FGF12: variants seen among roughly 807,000 people sequenced by gnomAD.
FGF12 encodes the protein fibroblast growth factor 12, also known as fibroblast growth factor 12B.
FGF12 carries 14 observed loss-of-function variants against 23.6 expected under a neutral mutation model. The ratio of observed to expected loss-of-function variants is 0.59; its 90% CI spans 0.39 to 0.93. The LOEUF (loss-of-function observed/expected upper bound fraction) is 0.93, where lower values mean the gene tolerates loss of function less well. Among genes scored for constraint, FGF12 ranks in the 40% least tolerant of loss-of-function variants. The pLI, the probability that FGF12 is intolerant of heterozygous loss-of-function variation, is 0.00. For synonymous variants in FGF12, 62 were observed against 77.3 expected, an observed-to-expected ratio of 0.80 and a Z score of 1.04; for missense variants, 175 against 217.8, an observed-to-expected ratio of 0.80 and a Z score of 1.24.
intron 2 of FGF12, among the ~76,000 whole-genome samples, chr3:192,376,199 A>G (rs1360205562): frequency 6.6e-6 from 1 of 151,986 alleles, no homozygotes; most frequent in Non-Finnish European, 1.5e-5. Flanking sequence ...TTTTCCATCT[A>G]TTAATCTCTC....
At chr3:192,683,853 A>G (rs1052495318) in intron 2 of FGF12, among the ~76,000 whole-genome samples, 1 of 152,226 alleles carries the variant, frequency 6.6e-6, no homozygotes, top group South Asian at 2.1e-4. Flanking sequence ...AGACTTAGGA[A>G]TATCTTTCTG....
At chr3:192,700,153 C>T (rs1718247339) in intron 2 of FGF12, among the ~76,000 whole-genome samples, 1 of 152,154 alleles carries the variant, frequency 6.6e-6, no homozygotes, top group East Asian at 1.9e-4. Context: ...GTTCTCTTAA[C>T]CTGCCATTAA....
intron 2 of FGF12, among the ~76,000 whole-genome samples, chr3:192,490,482 T>C (rs889528470): frequency 3.3e-5 from 5 of 152,094 alleles, no homozygotes; most frequent in African/African-American, 1.2e-4. Flanking sequence ...TGTGTATGTA[T>C]ACATGTGTAT....
At chr3:192,611,132 A>T (rs1294077762) in intron 2 of FGF12, among the ~76,000 whole-genome samples, 3 of 152,066 alleles carry the variant, frequency 2.0e-5, no homozygotes, top group African/African-American at 4.8e-5. Flanking sequence ...AATCAGCTAT[A>T]GAAGAAAGAA....
At position 192,336,108 on chromosome 3, in the gene FGF12, T is replaced by TACACACACACACACACAC. The variant is rs34991386; in HGVS notation, c.125-662_125-645dup. Among the ~76,000 whole-genome samples the TACACACACACACACACAC allele has an allele frequency of 1.2e-3, 168 of 144,042 alleles. No individual in the cohort carries two copies. Among genetic ancestry groups the TACACACACACACACACAC allele is most frequent in the Middle Eastern group, 0.011 (3 of 284 alleles). The allele number at this position is 144,042 out of a possible 152,430, so 94.5% of individuals were successfully genotyped here. The stretch of plus-strand genomic sequence containing the variant: ...ATATATTTTATATCCAGGTGGGAAA[T>TACACACACACACACACAC]ACACACACACACACACACACACACA... On this transcript the variant is annotated intron_variant, in intron 3 of 5. Coordinates refer to ENST00000445105, the MANE Select transcript of FGF12 (RefSeq NM_004113.6). This position sits in a 1 kb window ranked among gnomAD's most constrained non-coding sequence, Gnocchi z 4.3.
intron 2 of FGF12, among the ~76,000 whole-genome samples, chr3:192,556,803 T>C (rs1711799851): frequency 6.6e-6 from 1 of 152,172 alleles, no homozygotes; most frequent in Admixed American, 6.5e-5. Context: ...TATTATTTCC[T>C]ATAGGGTTGT....
intron 2 of FGF12, among the ~76,000 whole-genome samples, chr3:192,656,004 G>GCT (rs1364106640): frequency 0.012 from 1,697 of 139,956 alleles, 14 homozygotes; most frequent in Admixed American, 0.02. Flanking sequence ...AACGTTACAT[G>GCT]CCAGAAAAGA....
intron 4 of FGF12, among the ~76,000 whole-genome samples, chr3:192,210,939 G>A (rs903574233): frequency 2.6e-5 from 4 of 152,212 alleles, no homozygotes; most frequent in Non-Finnish European, 5.9e-5. Context: ...AGAGAAGTCA[G>A]AGATGTATTG....
chr3:192,427,037 C>T (rs1203603749), intron 2 of FGF12, among the ~76,000 whole-genome samples: 5 of 152,080 alleles, frequency 3.3e-5, no homozygotes, highest in Admixed American at 3.3e-4. Context: ...TGAATAAATG[C>T]TAGCTTTTTT....
At chr3:192,610,427 T>A (rs1223183297) in intron 2 of FGF12, among the ~76,000 whole-genome samples, 1 of 152,088 alleles carries the variant, frequency 6.6e-6, no homozygotes, top group Non-Finnish European at 1.5e-5. Flanking sequence ...TCCAGTCTTG[T>A]TATATTGGTC....
At chr3:192,654,995 T>C (rs1189716789) in intron 2 of FGF12, among the ~76,000 whole-genome samples, 5 of 152,170 alleles carry the variant, frequency 3.3e-5, no homozygotes, top group Non-Finnish European at 7.3e-5. Flanking sequence ...TGATAAAGAA[T>C]CCTTCCAATT....
chr3:192,322,522 A>T (rs577308574), intron 4 of FGF12, among the ~76,000 whole-genome samples: 1 of 148,436 alleles, frequency 6.7e-6, no homozygotes, highest in Non-Finnish European at 1.5e-5. Flanking sequence ...ACACACACAC[A>T]CCCCAGAATG....
chr3:192,387,888 A>G (rs1039826422), intron 2 of FGF12, among the ~76,000 whole-genome samples: 5 of 152,054 alleles, frequency 3.3e-5, no homozygotes, highest in Non-Finnish European at 7.4e-5. Flanking sequence ...CACTGTCTCC[A>G]AAAAATAAAA....
At chr3:192,607,844 A>G (rs966689727) in intron 2 of FGF12, among the ~76,000 whole-genome samples, 1 of 109,440 alleles carries the variant, frequency 9.1e-6, no homozygotes, top group African/African-American at 3.1e-5. Context: ...AACACTGAAA[A>G]TTAAAAAAAA....
chr3:192,177,876 T>C (rs979592773), intron 4 of FGF12, among the ~76,000 whole-genome samples: 2 of 152,224 alleles, frequency 1.3e-5, no homozygotes, highest in East Asian at 3.8e-4. Flanking sequence ...GGCCACTTTC[T>C]AACCCTTTAC....
At chr3:192,419,175 C>T (rs147733913) in intron 2 of FGF12, among the ~76,000 whole-genome samples, 13 of 152,176 alleles carry the variant, frequency 8.5e-5, no homozygotes, top group African/African-American at 3.1e-4. Flanking sequence ...GATGATGAAT[C>T]CACAAAATGA....
intron 4 of FGF12, among the ~76,000 whole-genome samples, chr3:192,190,070 G>A (rs1008020290): frequency 1.3e-5 from 2 of 152,180 alleles, no homozygotes; most frequent in Non-Finnish European, 2.9e-5. Flanking sequence ...CATAGTTTAT[G>A]AGAGCTAAGG....
intron 2 of FGF12, among the ~76,000 whole-genome samples, chr3:192,454,948 T>C (rs1003687087): frequency 1.3e-5 from 2 of 152,156 alleles, no homozygotes; most frequent in Admixed American, 1.3e-4. Flanking sequence ...TTACAATATT[T>C]CCACTTTCTC....
Position 192,408,527 on chromosome 3 carries a change from C to A in FGF12, c.14-47989G>T. On this transcript the variant is annotated intron_variant, in intron 2 of 5. Coordinates refer to ENST00000445105, the MANE Select transcript of FGF12 (RefSeq NM_004113.6). The surrounding 1 kb of genome is among the most constrained non-coding windows in gnomAD (Gnocchi z 7.3). ...ACGTTTGCACCCCAAACTTGCACCC[C>A]AAGGCGATCGGCGTCCAAGGGGCAG... is the stretch of plus-strand genomic sequence containing the variant. 8.3e-7 allele frequency: 1 copy of A among 1,201,072 alleles called. No individual in the cohort carries two copies. The highest frequency in any genetic ancestry group is 1.0e-6 in the Non-Finnish European group (1 of 965,084). 74.4% of individuals were successfully genotyped at this position (1,201,072 alleles called of 1,614,324 possible). A position where few individuals can be genotyped will look rare whatever the true frequency, so the allele number is the denominator to read the frequency against.
Sources: gnomAD v4.1 joint callset for allele counts (sites outside exome capture counted in the v4.1 genomes callset) on GRCh38, gnomAD v4.1.1 for gene constraint, Gnocchi (gnomAD v3.1) non-coding constraint, MANE v1.5 for transcripts, NCBI Gene and HGNC (gene_info 2026-07-23, HGNC 2026-07-21) for gene names.